Variants in GPBP1 observed in about 807,000 individuals in gnomAD.
GPBP1 encodes vasculin.
GPBP1 carries 13 observed loss-of-function variants against 56.5 expected under a neutral mutation model. That is an observed-to-expected ratio of 0.23 (90% CI 0.15 to 0.37). The LOEUF is 0.37. Among genes scored for constraint, GPBP1 ranks in the 10% least tolerant of loss-of-function variants. GPBP1 has a pLI of 1.00. For missense variants in GPBP1, 477 were observed against 572.3 expected, an observed-to-expected ratio of 0.83 and a Z score of 1.70; for synonymous variants, 204 against 188.9, an observed-to-expected ratio of 1.08 and a Z score of -0.66.
At chr5:57,201,116 G>A (rs1240473098) in intron 2 of GPBP1, among the ~76,000 whole-genome samples, 2 of 152,092 alleles carry the variant, frequency 1.3e-5, no homozygotes, top group Non-Finnish European at 2.9e-5. Flanking sequence ...GAGCCACTGC[G>A]CTCGGCCATG....
intron 6 of GPBP1, among the ~76,000 whole-genome samples, chr5:57,236,582 T>A (rs1232493097): frequency 6.6e-6 from 1 of 152,180 alleles, no homozygotes; most frequent in Non-Finnish European, 1.5e-5. Flanking sequence ...ATGAGAGTTC[T>A]TCTAGAAATA....
intron 3 of GPBP1, among the ~76,000 whole-genome samples, chr5:57,216,887 ATAAG>A (rs1755720750): frequency 6.6e-6 from 1 of 151,380 alleles, no homozygotes; most frequent in Admixed American, 6.6e-5. Flanking sequence ...TTTCATATAA[ATAAG>A]ACTCGAATGG....
chr5:57,248,850 AT>A (rs1741227299), intron 8 of GPBP1: 1 of 152,192 alleles, frequency 6.6e-6, no homozygotes, highest in Non-Finnish European at 1.5e-5. Flanking sequence ...AAGCATTATT[AT>A]GGTTTGTTTC....
chr5:57,179,370 AC>A (rs1467436217), intron 2 of GPBP1, among the ~76,000 whole-genome samples: 1 of 129,446 alleles, frequency 7.7e-6, no homozygotes, highest in Non-Finnish European at 1.8e-5. Context: ...TGTGTTTGAG[AC>A]AGGGTCTCGC....
intron 10 of GPBP1, among the ~76,000 whole-genome samples, chr5:57,260,252 C>T (rs1741831892): frequency 6.6e-6 from 1 of 152,084 alleles, no homozygotes; most frequent in Admixed American, 6.6e-5. Flanking sequence ...TAATTTTTTC[C>T]TTGTCAATTG....
At chr5:57,196,995 TG>T (rs1241470527) in intron 2 of GPBP1, among the ~76,000 whole-genome samples, 1 of 152,022 alleles carries the variant, frequency 6.6e-6, no homozygotes, top group African/African-American at 2.4e-5. Flanking sequence ...TTGGCCAGGC[TG>T]GTCTTGAACT....
chr5:57,175,950 C>CT lies in GPBP1; in HGVS notation c.-504dup. On this transcript the variant is annotated 5_prime_UTR_variant, in exon 2 of 12. An upstream open reading frame in the 5' UTR loses its in-frame stop. Transcript: ENST00000506184. ...ATTGAAAGAATACAGAGTTTTTTTC[C>CT]TTTTATCTTTTATTTACGTGGAAAT... 2.5e-6 allele frequency: 1 copy of CT among 398,280 alleles called. No homozygotes were observed. Among genetic ancestry groups the CT allele is most frequent in the Non-Finnish European group, 4.4e-6 (1 of 225,982 alleles). The allele number at this position is 398,280 out of a possible 1,614,324, so 24.7% of individuals were successfully genotyped here.
chr5:57,195,957 C>G (rs1012186637), intron 2 of GPBP1, among the ~76,000 whole-genome samples: 1 of 111,114 alleles, frequency 9.0e-6, no homozygotes, highest in Admixed American at 1.4e-4. Flanking sequence ...GAGCTGAGAT[C>G]GTGACAGAGT....
At chr5:57,240,360 CTAAAT>C (rs1009075090) in intron 6 of GPBP1, among the ~76,000 whole-genome samples, 37 of 152,162 alleles carry the variant, frequency 2.4e-4, no homozygotes, top group Non-Finnish European at 1.5e-5. Context: ...TAATAGGAAA[CTAAAT>C]TAGTAACTGG....
chr5:57,181,434 C>CAAAAAAAA (rs11417693), intron 2 of GPBP1, among the ~76,000 whole-genome samples: 1 of 131,928 alleles, frequency 7.6e-6, no homozygotes. Flanking sequence ...AAGACTGTGT[C>CAAAAAAAA]AAAAAAAAAA....
chr5:57,239,788 C>T (rs1740737412), intron 6 of GPBP1, among the ~76,000 whole-genome samples: 1 of 151,856 alleles, frequency 6.6e-6, no homozygotes, highest in African/African-American at 2.4e-5. Context: ...TCCGAACAAA[C>T]ATTAGAAACC....
At chr5:57,226,307 G>A (rs185403076) in intron 3 of GPBP1, among the ~76,000 whole-genome samples, 1 of 152,242 alleles carries the variant, frequency 6.6e-6, no homozygotes, top group East Asian at 1.9e-4. Context: ...CTCCACCAGC[G>A]TTCCTCCTTC....
chr5:57,212,048 T>C (rs1375387296), intron 2 of GPBP1, among the ~76,000 whole-genome samples: 1 of 152,078 alleles, frequency 6.6e-6, no homozygotes, highest in Non-Finnish European at 1.5e-5. Flanking sequence ...GCGATTTTCC[T>C]GCGTCAGCCC....
At chr5:57,203,144 T>C (rs1183191724) in intron 2 of GPBP1, among the ~76,000 whole-genome samples, 1 of 152,196 alleles carries the variant, frequency 6.6e-6, no homozygotes, top group Non-Finnish European at 1.5e-5. Flanking sequence ...GTCTCAAAAA[T>C]TGAGAATTAA....
At chr5:57,260,807 T>A (rs1741864528) in intron 10 of GPBP1, among the ~76,000 whole-genome samples, 1 of 152,118 alleles carries the variant, frequency 6.6e-6, no homozygotes, top group South Asian at 2.1e-4. Flanking sequence ...ACTGCCCAAG[T>A]AGAAAACCTA....
intron 2 of GPBP1, among the ~76,000 whole-genome samples, chr5:57,210,744 T>C (rs766491028): frequency 6.6e-6 from 1 of 152,214 alleles, no homozygotes; most frequent in South Asian, 2.1e-4. Flanking sequence ...AAGTTCAGGG[T>C]AGAGGCATCA....
intron 8 of GPBP1, among the ~76,000 whole-genome samples, chr5:57,248,600 A>G (rs909279803): frequency 2.0e-5 from 3 of 151,604 alleles, no homozygotes; most frequent in African/African-American, 7.3e-5. Flanking sequence ...CGCCTGGCTA[A>G]TTTTTTTGTA....
At chr5:57,174,824 T>C (rs955387256) in intron 1 of GPBP1, among the ~76,000 whole-genome samples, 5 of 152,186 alleles carry the variant, frequency 3.3e-5, no homozygotes, top group African/African-American at 1.2e-4. Flanking sequence ...GAAACCTGTT[T>C]TCTTAATTCG....
chr5:57,259,972 A>G lies in GPBP1; in HGVS notation c.1161-1208A>G, dbSNP rs147464305. Among the ~76,000 whole-genome samples, 917 of 152,128 alleles carry G rather than the reference A, an allele frequency of 6.0e-3. 8 individuals carry two copies. Among genetic ancestry groups the G allele is most frequent in the African/African-American group, 0.021 (868 of 41,504 alleles). On this transcript the variant is annotated intron_variant, in intron 10 of 11. Coordinates refer to ENST00000506184, the MANE Select transcript of GPBP1 (RefSeq NM_022913.4). ...CCACTTCTTGGTAGCTAGTGCTTTG[A>G]TTGTGATTTGTCTTCTGGATCATAC...
Sources: allele counts gnomAD v4.1 joint callset (sites outside exome capture counted in the v4.1 genomes callset), GRCh38; gene constraint gnomAD v4.1.1; transcripts MANE v1.5; gene names NCBI Gene and HGNC (gene_info 2026-07-23, HGNC 2026-07-21).